Variants in CCDC6 observed in about 807,000 individuals in gnomAD.
The protein encoded by CCDC6 is coiled-coil domain-containing protein 6.
In CCDC6, 20 loss-of-function variants were observed where a neutral mutation model predicts 56.6. That is an observed-to-expected ratio of 0.35 (90% CI 0.25 to 0.51). The LOEUF (loss-of-function observed/expected upper bound fraction) is 0.51. Ranked by LOEUF, CCDC6 falls within the 20% of genes least tolerant of loss-of-function variation. The probability of loss-of-function intolerance (pLI) is 0.95; values close to 1 mark genes in which losing one functional copy is unlikely to be tolerated. For synonymous variants in CCDC6, 241 were observed against 234.4 expected (o/e 1.03, Z -0.26); for missense variants, 367 against 601.1 (o/e 0.61, Z 4.07).
chr10:59,844,588 TAA>T (rs74766839), intron 2 of CCDC6, among the ~76,000 whole-genome samples: 2,456 of 137,820 alleles, frequency 0.018, 28 homozygotes, highest in Middle Eastern at 0.047. Context: ...TGTCTCTACT[TAA>T]AAAAAAAAAA....
At chr10:59,814,005 C>G (rs540644558) in intron 4 of CCDC6, among the ~76,000 whole-genome samples, 2 of 152,276 alleles carry the variant, frequency 1.3e-5, no homozygotes, top group East Asian at 3.9e-4. Flanking sequence ...TACACACATT[C>G]CACATACAGA....
chr10:59,892,697 G>A (rs533759984), intron 1 of CCDC6, among the ~76,000 whole-genome samples: 140 of 150,154 alleles, frequency 9.3e-4, no homozygotes, highest in Non-Finnish European at 1.6e-3. Flanking sequence ...ACTTTCCTGT[G>A]TGTATCAATC....
chr10:59,869,852 C>CGACACTCCA (rs1192078538), intron 1 of CCDC6, among the ~76,000 whole-genome samples: 2 of 152,138 alleles, frequency 1.3e-5, no homozygotes, highest in African/African-American at 4.8e-5. Flanking sequence ...CCGACACCCA[C>CGACACTCCA]GACACTCCAG....
chr10:59,792,965 C>T lies in CCDC6; in HGVS notation c.1377G>A (p.Ser459=), dbSNP rs1011775235. 1.1e-5 allele frequency: 17 copies of T among 1,612,082 alleles called. No homozygotes were observed. Among genetic ancestry groups the T allele is most frequent in the African/African-American group, 2.7e-5 (2 of 74,880 alleles). ...CCGAATGTTGCGAAGGAGTAGGCTG[C>T]GAGGTGGCTGCTGAGGGGACCGTGG... ...MQPTVPSAAT[S]QPTPSQHSAH... Residue 459 remains serine, a synonymous_variant, in exon 9 of 9, where the codon TCG becomes TCA. Coordinates refer to ENST00000263102, the MANE Select transcript of CCDC6 (RefSeq NM_005436.5).
At chr10:59,852,742 A>G in intron 1 of CCDC6, 40 bp from the exon 2 acceptor site, 1 of 1,450,778 alleles carries the variant, frequency 6.9e-7, no homozygotes, top group Non-Finnish European at 9.1e-7. Context: ...AACAAAACAC[A>G]TGTTAAGGAA....
rs896094338 is a variant in CCDC6, at chr10:59,791,273, T to C, written c.*1644A>G. 1.7e-4 allele frequency: 35 copies of C among 201,460 alleles called. No homozygotes were observed. The highest frequency in any genetic ancestry group is 7.6e-4 in the African/African-American group (33 of 43,632). The allele number at this position is 201,460 out of a possible 1,614,324, so 12.5% of individuals were successfully genotyped here. On this transcript the variant is annotated 3_prime_UTR_variant, in exon 9 of 9. Transcript: ENST00000263102. ...TTGAGTGATGTTCTCAGTTTGGGGG[T>C]GGAAGCAGGAAGAGGTGAAAAAATC...
In CCDC6 at chr10:59,836,515, T is replaced by A. The variant is rs542740111; in HGVS notation, c.454-3862A>T. Among the ~76,000 whole-genome samples the A allele has an allele frequency of 2.6e-5, 4 of 152,312 alleles. No individual in the cohort carries two copies. In the East Asian group the frequency reaches 7.7e-4, roughly 29 times the overall value. On this transcript the variant is annotated intron_variant, in intron 2 of 8. Coordinates refer to ENST00000263102, the MANE Select transcript of CCDC6 (RefSeq NM_005436.5). ...AACAATTTTAAATCTTCCAATAAAG[T>A]CAAAGATCCTGAACTAGAACAAGAA...
intron 1 of CCDC6, among the ~76,000 whole-genome samples, chr10:59,904,663 A>G (rs1208170581): frequency 6.6e-6 from 1 of 152,184 alleles, no homozygotes; most frequent in Non-Finnish European, 1.5e-5. Flanking sequence ...CTTCCTACCA[A>G]AAGGGCACTT....
chr10:59,807,158 C>G, intron 5 of CCDC6, 80 bp from the exon 6 acceptor site: 1 of 1,273,602 alleles, frequency 7.9e-7, no homozygotes, highest in South Asian at 1.3e-5. Flanking sequence ...TTCAGTTCAG[C>G]CCCTATGCCA....
chr10:59,821,857 T>C (rs1374045896), intron 3 of CCDC6, among the ~76,000 whole-genome samples: 3 of 152,238 alleles, frequency 2.0e-5, no homozygotes, highest in African/African-American at 7.2e-5. Flanking sequence ...AGTTATGCCG[T>C]TGATAATTTA....
chr10:59,800,823 T>C (rs1239484748), intron 7 of CCDC6, among the ~76,000 whole-genome samples: 4 of 152,142 alleles, frequency 2.6e-5, no homozygotes, highest in Non-Finnish European at 5.9e-5. Context: ...GCTTACTAAA[T>C]ATAATACTAT....
Position 59,812,671 on chromosome 10 carries a change from G to A in CCDC6, c.811C>T (p.Arg271Trp). The A allele has an allele frequency of 1.9e-6, 3 of 1,613,092 alleles. No individual in the cohort carries two copies. Among genetic ancestry groups the A allele is most frequent in the Non-Finnish European group, 2.5e-6 (3 of 1,179,350 alleles). ...GCAGCTCTCAGTTGCTTCTTCAGCC[G>A]TTCCACTTCATTCTTTAAAAACCTG... ...HIRFLKNEVE[R>W]LKKQLRAAQL... The change falls in exon 5 of 9, where the codon CGG (arginine) becomes TGG (tryptophan). Residue 271 changes from arginine (R) to tryptophan (W), a missense_variant. By Grantham distance (101) the Arg-to-Trp change is moderately radical. This residue lies in a region of CCDC6 where 81 missense variants were observed against 150.8 expected (regional missense o/e 0.54). Coordinates refer to ENST00000263102, the MANE Select transcript of CCDC6 (RefSeq NM_005436.5).
At position 59,852,571 on chromosome 10, in the gene CCDC6, G is replaced by A; in HGVS notation, c.435C>T (p.Leu145=). 1 of 1,583,296 alleles carries A rather than the reference G, an allele frequency of 6.3e-7. No individual in the cohort carries two copies. The highest frequency in any genetic ancestry group is 8.5e-7 in the Non-Finnish European group (1 of 1,170,678). ...AATTTACCTGCATCAATTTTCTGGA[G>A]AGCTCATTAGTGAGGAATTCTTCTT... The part of the protein sequence containing the change: ...EKEEEFLTNE[L]SRKLMQLQHE... The change falls in exon 2 of 9, where the codon CTC becomes CTT. Residue 145 remains leucine, a synonymous_variant. Coordinates refer to ENST00000263102, the MANE Select transcript of CCDC6 (RefSeq NM_005436.5).
intron 1 of CCDC6, among the ~76,000 whole-genome samples, chr10:59,892,558 A>C (rs373107344): frequency 6.6e-6 from 1 of 152,196 alleles, no homozygotes; most frequent in Non-Finnish European, 1.5e-5. Context: ...TTTCTATCAT[A>C]ATCTTATAGG....
chr10:59,866,320 G>A (rs1190585950), intron 1 of CCDC6, among the ~76,000 whole-genome samples: 1 of 152,168 alleles, frequency 6.6e-6, no homozygotes, highest in African/African-American at 2.4e-5. Flanking sequence ...GATTTAAAAT[G>A]GGATTAAGCT....
At chr10:59,865,003 A>C (rs1287826840) in intron 1 of CCDC6, among the ~76,000 whole-genome samples, 1 of 152,236 alleles carries the variant, frequency 6.6e-6, no homozygotes, top group Admixed American at 6.5e-5. Context: ...CAAGTTGATC[A>C]AATTACTACC....
At chr10:59,837,271 G>C (rs1206853452) in intron 2 of CCDC6, among the ~76,000 whole-genome samples, 1 of 152,318 alleles carries the variant, frequency 6.6e-6, no homozygotes, top group Middle Eastern at 3.4e-3. Flanking sequence ...GGTACCACAG[G>C]TGCATGTGCA....
chr10:59,796,803 TA>T (rs750882605), intron 7 of CCDC6, among the ~76,000 whole-genome samples: 1 of 151,416 alleles, frequency 6.6e-6, no homozygotes. Context: ...CCGTCTCTAC[TA>T]AAAAAAATAC....
chr10:59,804,598 T>C, intron 6 of CCDC6, 78 bp from the exon 7 acceptor site: 1 of 821,376 alleles, frequency 1.2e-6, no homozygotes, highest in Non-Finnish European at 2.1e-6. Context: ...AGAAAATGTT[T>C]GGGGTTCACA....
Sources: allele counts gnomAD v4.1 joint callset (sites outside exome capture counted in the v4.1 genomes callset), GRCh38; gene constraint gnomAD v4.1.1; regional missense constraint gnomAD v4.1.1; transcripts MANE v1.5; gene names NCBI Gene and HGNC (gene_info 2026-07-23, HGNC 2026-07-21).